Variants in CSMD2 observed in about 807,000 individuals in gnomAD.
CSMD2 encodes the protein CUB and sushi domain-containing protein 2.
A neutral mutation model predicts 398.5 loss-of-function variants in CSMD2; 130 were observed. That is an observed-to-expected ratio of 0.33 (90% CI 0.28 to 0.38). The LOEUF is 0.38. Ranked by LOEUF, CSMD2 falls within the 10% of genes least tolerant of loss-of-function variation. CSMD2 has a pLI of 1.00. For synonymous variants in CSMD2, 1,828 were observed against 1,908.5 expected (o/e 0.96, Z 1.10); for missense variants, 3,829 against 4,764.9 (o/e 0.80, Z 5.78).
Position 33,726,312 on chromosome 1 carries a change from G to A in CSMD2, c.2507+235C>T, listed in dbSNP as rs986434498. Among the ~76,000 whole-genome samples, 24 of 152,252 alleles carry A rather than the reference G, an allele frequency of 1.6e-4. 1 individual carries two copies. The highest frequency in any genetic ancestry group is 1.0e-3 in the Admixed American group (16 of 15,292). On this transcript the variant is annotated intron_variant, in intron 16 of 70. Coordinates refer to ENST00000373381, the MANE Select transcript of CSMD2 (RefSeq NM_001281956.2). ...AGGGGGGAGCTCTAACATCCCAAAT[G>A]GTACCCAAGCCTTCTCTTCACCCCT...
intron 6 of CSMD2, among the ~76,000 whole-genome samples, chr1:33,837,594 C>T (rs928171895): frequency 2.0e-5 from 3 of 152,178 alleles, no homozygotes; most frequent in Non-Finnish European, 2.9e-5. Flanking sequence ...GTGCCCTTAC[C>T]CATGCATACA....
At chr1:33,591,286 C>T (rs1026032131) in intron 44 of CSMD2, among the ~76,000 whole-genome samples, 2 of 152,170 alleles carry the variant, frequency 1.3e-5, no homozygotes, top group African/African-American at 2.4e-5. Flanking sequence ...CCATGCTCGG[C>T]CTCATTTGCA....
At chr1:33,827,801 A>G (rs1485711485) in intron 6 of CSMD2, among the ~76,000 whole-genome samples, 2 of 152,232 alleles carry the variant, frequency 1.3e-5, no homozygotes, top group Admixed American at 6.5e-5. Flanking sequence ...TGTAAGTCAC[A>G]CAGCCAGGAA....
chr1:33,671,052 G>A (rs957505630), intron 25 of CSMD2, among the ~76,000 whole-genome samples: 5 of 152,310 alleles, frequency 3.3e-5, no homozygotes, highest in Non-Finnish European at 7.4e-5. Context: ...CAGAGGGGAT[G>A]TAGAGGCTGG....
At chr1:33,942,916 A>T (rs1644723296) in intron 3 of CSMD2, among the ~76,000 whole-genome samples, 2 of 152,072 alleles carry the variant, frequency 1.3e-5, no homozygotes, top group East Asian at 3.9e-4. Context: ...TCATTTGAAG[A>T]CCCTCATGGT....
intron 62 of CSMD2, among the ~76,000 whole-genome samples, chr1:33,535,718 A>G (rs1295867755): frequency 6.6e-6 from 1 of 152,134 alleles, no homozygotes; most frequent in Non-Finnish European, 1.5e-5. Flanking sequence ...GGGGCTGCAG[A>G]CTTGCTAGCT....
At chr1:34,070,464 A>T (rs1655606682) in intron 2 of CSMD2, among the ~76,000 whole-genome samples, 2 of 152,242 alleles carry the variant, frequency 1.3e-5, no homozygotes, top group Admixed American at 1.3e-4. Flanking sequence ...CCTTCTTAGC[A>T]TAGGGCTTAT....
chr1:33,522,497 A>G (rs2148528833), intron 67 of CSMD2, among the ~76,000 whole-genome samples: 1 of 152,328 alleles, frequency 6.6e-6, no homozygotes, highest in South Asian at 2.1e-4. Context: ...CCTTGGGCCT[A>G]CCAAGGAACT....
rs544319988 is a variant in CSMD2 at position 34,162,118 on chromosome 1, GC to G, written c.187+2792del. Among the ~76,000 whole-genome samples the G allele has an allele frequency of 5.3e-4, 78 of 146,336 alleles. 1 individual carries two copies. The East Asian group carries it at 0.013, about 24-fold the overall frequency. ...ACCCGGGAGGCAGAGGTTGCAGCAA[GC>G]CGAGATTGCGCCATTGCACTCCAGC... On this transcript the variant is annotated intron_variant, in intron 1 of 70. Transcript: ENST00000373381.
At chr1:33,827,453 C>A (rs1658959132) in intron 6 of CSMD2, among the ~76,000 whole-genome samples, 1 of 152,176 alleles carries the variant, frequency 6.6e-6, no homozygotes, top group African/African-American at 2.4e-5. Flanking sequence ...ACGACTTGCT[C>A]CCCTTTTCCC....
intron 3 of CSMD2, among the ~76,000 whole-genome samples, chr1:33,983,574 C>A (rs1290785314): frequency 6.6e-6 from 1 of 151,828 alleles, no homozygotes; most frequent in Non-Finnish European, 1.5e-5. Context: ...CTTAGTCTAT[C>A]TCTCCCTGTA....
At chr1:33,555,203 C>T (rs1657844373) in intron 55 of CSMD2, among the ~76,000 whole-genome samples, 1 of 152,148 alleles carries the variant, frequency 6.6e-6, no homozygotes, top group Non-Finnish European at 1.5e-5. Flanking sequence ...TTCAAGACTT[C>T]AGTGGAGGAG....
intron 2 of CSMD2, among the ~76,000 whole-genome samples, chr1:34,033,701 C>T (rs1223835481): frequency 6.6e-6 from 1 of 152,166 alleles, no homozygotes; most frequent in South Asian, 2.1e-4. Flanking sequence ...TTAACTTTGT[C>T]CCCATTTTTA....
chr1:34,112,723 G>T (rs1390643891), intron 1 of CSMD2, among the ~76,000 whole-genome samples: 1 of 152,188 alleles, frequency 6.6e-6, no homozygotes, highest in Non-Finnish European at 1.5e-5. Flanking sequence ...TAGGCCTCTA[G>T]AATCTAGTTA....
At chr1:33,583,257 GAGCAAATTAT>G (rs1288071241) in intron 47 of CSMD2, among the ~76,000 whole-genome samples, 4 of 152,196 alleles carry the variant, frequency 2.6e-5, no homozygotes, top group Non-Finnish European at 5.9e-5. Context: ...CCAAATTAAA[GAGCAAATTAT>G]TGCACATTTT....
chr1:34,107,761 C>T (rs968079528), intron 1 of CSMD2, among the ~76,000 whole-genome samples: 1 of 152,212 alleles, frequency 6.6e-6, no homozygotes, highest in African/African-American at 2.4e-5. Flanking sequence ...AGTTAGAACT[C>T]CTAGGCTTCT....
At chr1:33,958,560 G>A (rs1255826422) in intron 3 of CSMD2, among the ~76,000 whole-genome samples, 1 of 152,170 alleles carries the variant, frequency 6.6e-6, no homozygotes, top group Non-Finnish European at 1.5e-5. Flanking sequence ...ATTCTCCTGG[G>A]TGAGCCTGGT....
At chr1:33,831,304 G>A (rs1442363585) in intron 6 of CSMD2, among the ~76,000 whole-genome samples, 2 of 152,222 alleles carry the variant, frequency 1.3e-5, no homozygotes, top group East Asian at 3.8e-4. Context: ...CAGACTAACA[G>A]CGGATTTCTC....
At chr1:34,022,261 T>C (rs1648999363) in intron 3 of CSMD2, among the ~76,000 whole-genome samples, 1 of 152,226 alleles carries the variant, frequency 6.6e-6, no homozygotes, top group African/African-American at 2.4e-5. Context: ...TTAGGAGCAC[T>C]TGATGTGTTA....
Sources: gnomAD v4.1 joint callset for allele counts (sites outside exome capture counted in the v4.1 genomes callset) on GRCh38, gnomAD v4.1.1 for gene constraint, MANE v1.5 for transcripts, NCBI Gene and HGNC (gene_info 2026-07-23, HGNC 2026-07-21) for gene names.